The following WDPCP variants were observed in gnomAD, a reference collection of about 807,000 sequenced individuals.
WDPCP encodes the protein WD repeat-containing and planar cell polarity effector protein fritz homolog.
In WDPCP, 71 loss-of-function variants were observed where a neutral mutation model predicts 93.1. The ratio of observed to expected loss-of-function variants is 0.76; its 90% confidence interval spans 0.63 to 0.93. The LOEUF (loss-of-function observed/expected upper bound fraction) is 0.93, where lower values mean the gene tolerates loss of function less well. Ranked by LOEUF, WDPCP falls within the 40% of genes least tolerant of loss-of-function variation. The probability of loss-of-function intolerance (pLI) is 0.00; values close to 1 mark genes in which losing one functional copy is unlikely to be tolerated. For synonymous variants in WDPCP, 315 were observed against 315.0 expected, an observed-to-expected ratio of 1.00 and a Z score of 0.00; for missense variants, 844 against 887.4, an observed-to-expected ratio of 0.95 and a Z score of 0.62.
intron 2 of WDPCP, among the ~76,000 whole-genome samples, chr2:63,706,770 C>T (rs964641953): frequency 6.6e-6 from 1 of 151,172 alleles, no homozygotes; most frequent in Non-Finnish European, 1.5e-5. Context: ...GCGCCCGCCA[C>T]CGCGCCCGGC....
chr2:63,554,820 T>C (rs756349506), intron 1 of WDPCP, among the ~76,000 whole-genome samples: 90 of 152,164 alleles, frequency 5.9e-4, no homozygotes, highest in Non-Finnish European at 7.4e-4. Flanking sequence ...ACTAGGCAGC[T>C]GGTGAGACCC....
At chr2:63,129,973 A>G (rs575804096) in intron 17 of WDPCP, among the ~76,000 whole-genome samples, 1 of 152,302 alleles carries the variant, frequency 6.6e-6, no homozygotes, top group South Asian at 2.1e-4. Flanking sequence ...TTTTTTTCCC[A>G]ATGTTTTCAA....
chr2:63,678,700 A>G (rs1282260441), intron 2 of WDPCP, among the ~76,000 whole-genome samples: 1 of 152,214 alleles, frequency 6.6e-6, no homozygotes, highest in Non-Finnish European at 1.5e-5. Flanking sequence ...AAGTGATAGG[A>G]TGAAAGCGAT....
intron 12 of WDPCP, 122 bp downstream of exon 12, chr2:63,378,264 T>G: frequency 2.3e-6 from 3 of 1,284,462 alleles, no homozygotes; most frequent in Non-Finnish European, 3.3e-6. Context: ...AGATGTATAT[T>G]TCTTTGAGGA....
chr2:63,653,601 A>C (rs953059196), intron 2 of WDPCP, among the ~76,000 whole-genome samples: 2 of 152,198 alleles, frequency 1.3e-5, no homozygotes, highest in Non-Finnish European at 2.9e-5. Flanking sequence ...GTAAAATTTA[A>C]GTCCAATATC....
the WDPCP span, among the ~76,000 whole-genome samples, chr2:63,840,315 C>T: frequency 1.3e-5 from 2 of 152,212 alleles, no homozygotes; most frequent in South Asian, 4.1e-4. Flanking sequence ...GTGTAACATC[C>T]TCTTTCCTTG....
intron 3 of WDPCP, among the ~76,000 whole-genome samples, chr2:63,639,805 A>G (rs2106634398): frequency 6.6e-6 from 1 of 152,360 alleles, no homozygotes; most frequent in East Asian, 1.9e-4. Context: ...TGACAAAACC[A>G]GATGCTGTCA....
intron 3 of WDPCP, among the ~76,000 whole-genome samples, chr2:63,602,897 T>G (rs911025567): frequency 5.9e-5 from 9 of 151,938 alleles, no homozygotes; most frequent in African/African-American, 2.2e-4. Context: ...TTTATTCCAT[T>G]GCCTATGTAA....
At chr2:63,648,013 A>G (rs909589732) in intron 3 of WDPCP, among the ~76,000 whole-genome samples, 2 of 152,166 alleles carry the variant, frequency 1.3e-5, no homozygotes, top group Admixed American at 1.3e-4. Context: ...AATTCCTTCC[A>G]AAAACCTCCC....
chr2:63,494,625 A>C (rs1381875634), intron 1 of WDPCP, among the ~76,000 whole-genome samples: 1 of 152,156 alleles, frequency 6.6e-6, no homozygotes, highest in Non-Finnish European at 1.5e-5. Flanking sequence ...TTGAGTAAAA[A>C]GATGGCATGA....
chr2:63,772,764 C>T (rs1670248078), intron 2 of WDPCP, among the ~76,000 whole-genome samples: 1 of 151,940 alleles, frequency 6.6e-6, no homozygotes, highest in South Asian at 2.1e-4. Flanking sequence ...AATAAAACAA[C>T]AGCAACCTCA....
chr2:63,161,614 G>A (rs1186390831), intron 15 of WDPCP, among the ~76,000 whole-genome samples: 1 of 152,064 alleles, frequency 6.6e-6, no homozygotes, highest in African/African-American at 2.4e-5. Context: ...GCCCCTTAAA[G>A]TGAATCAATT....
chr2:63,567,633 G>A lies in WDPCP; in HGVS notation c.75+20564C>T, dbSNP rs546252980. Among the ~76,000 whole-genome samples, 3 of 152,206 alleles carry A rather than the reference G, an allele frequency of 2.0e-5. 1 individual carries two copies. In the South Asian group the frequency reaches 6.2e-4, roughly 32 times the overall value. ...GTTTAAATATCAGTTGCTAAAAGAG[G>A]CGTTCCCCAATCCTTCCCTCTAAAG... On this transcript the variant is annotated intron_variant, in intron 1 of 17. Transcript: ENST00000272321.
At chr2:63,472,368 T>C (rs1009453708) in intron 6 of WDPCP, among the ~76,000 whole-genome samples, 1 of 151,948 alleles carries the variant, frequency 6.6e-6, no homozygotes, top group Admixed American at 6.5e-5. Context: ...TATTCTTCTC[T>C]TCTGTTTTCT....
chr2:63,334,232 T>C (rs1688190122), intron 12 of WDPCP, among the ~76,000 whole-genome samples: 1 of 152,236 alleles, frequency 6.6e-6, no homozygotes, highest in African/African-American at 2.4e-5. Flanking sequence ...TCTTTCACCT[T>C]GTGAACCCTG....
At chr2:63,346,861 AG>A (rs1177432912) in intron 12 of WDPCP, among the ~76,000 whole-genome samples, 1 of 152,164 alleles carries the variant, frequency 6.6e-6, no homozygotes, top group African/African-American at 2.4e-5. Flanking sequence ...ATAAAACCAG[AG>A]GATCATAAGG....
chr2:63,516,549 A>C (rs1575564266), intron 1 of WDPCP, among the ~76,000 whole-genome samples: 1 of 152,164 alleles, frequency 6.6e-6, no homozygotes, highest in South Asian at 2.1e-4. Flanking sequence ...GGACACTCAA[A>C]CAGCCTGTGG....
At chr2:63,411,267 C>T (rs1374865520) in intron 9 of WDPCP, among the ~76,000 whole-genome samples, 1 of 152,080 alleles carries the variant, frequency 6.6e-6, no homozygotes, top group Non-Finnish European at 1.5e-5. Context: ...AATTTAATAA[C>T]CTGCTCCTGA....
chr2:63,784,430 A>T (rs941448524), intron 2 of WDPCP, among the ~76,000 whole-genome samples: 13 of 152,216 alleles, frequency 8.5e-5, no homozygotes, highest in Admixed American at 8.5e-4. Flanking sequence ...TGGGCATAAG[A>T]GAATGTGGGT....
Sources: allele counts gnomAD v4.1 joint callset (sites outside exome capture counted in the v4.1 genomes callset), GRCh38; gene constraint gnomAD v4.1.1; transcripts MANE v1.5; gene names NCBI Gene and HGNC (gene_info 2026-07-23, HGNC 2026-07-21).